LAMA5: variants seen among roughly 807,000 people sequenced by gnomAD.
LAMA5 encodes the protein laminin subunit alpha-5.
LAMA5 carries 260 observed loss-of-function variants against 433.4 expected under a neutral mutation model. The ratio of observed to expected loss-of-function variants is 0.60; its 90% CI spans 0.54 to 0.66. The LOEUF (loss-of-function observed/expected upper bound fraction) is 0.66. Ranked by LOEUF, LAMA5 falls within the 30% of genes least tolerant of loss-of-function variation. LAMA5 has a pLI of 0.00. For synonymous variants in LAMA5, 2,620 were observed against 2,226.6 expected (o/e 1.18, Z -4.97); for missense variants, 5,378 against 5,258.5 (o/e 1.02, Z -0.70).
intron 6 of LAMA5, 30 bp from the exon 7 acceptor site, chr20:62,347,058 C>A (rs1212657916): frequency 9.5e-6 from 15 of 1,573,756 alleles, no homozygotes; most frequent in African/African-American, 1.3e-5. Flanking sequence ...GGGGATCAGG[C>A]CCATCCTGGA....
intron 73 of LAMA5, 29 bp from the exon 74 acceptor site, chr20:62,311,123 C>A (rs375464190): frequency 1.5e-5 from 23 of 1,562,650 alleles, no homozygotes; most frequent in Middle Eastern, 1.7e-4. Flanking sequence ...TCAGCCTGCG[C>A]GGCCCCTCTC....
At position 62,333,346 on chromosome 20, in the gene LAMA5, C is replaced by T. The variant is rs779659937; in HGVS notation, c.3128+29G>A. On this transcript the variant is annotated intron_variant, in intron 25 of 79. Transcript: ENST00000252999. Reference sequence around the variant, plus strand: ...CAGTGGGGGTCCAGGAAGCCCCCACCCCGGTCCCACCGCACGCATGGCCCT... The same window carrying T: ...CAGTGGGGGTCCAGGAAGCCCCCACTCCGGTCCCACCGCACGCATGGCCCT... 3.7e-6 allele frequency: 6 copies of T among 1,609,130 alleles called. No individual in the cohort carries two copies. In the African/African-American group the frequency reaches 4.0e-5, roughly 11 times the overall value.
intron 18 of LAMA5, 109 bp from the exon 19 acceptor site, chr20:62,335,378 G>C (rs1366291845): frequency 2.8e-6 from 3 of 1,073,072 alleles, no homozygotes; most frequent in Non-Finnish European, 4.1e-6. Context: ...ACACTCACAG[G>C]CTCCAGCACC....
intron 62 of LAMA5, 136 bp from the exon 63 acceptor site, chr20:62,313,938 C>T (rs1272675246): frequency 5.3e-6 from 4 of 761,094 alleles, no homozygotes; most frequent in Admixed American, 3.7e-5. Flanking sequence ...CGAGGGGTGG[C>T]GAGTGGGCAT....
chr20:62,312,719 G>A lies in LAMA5; in HGVS notation c.9140C>T (p.Thr3047Met), dbSNP rs766834119. Residue 3047 changes from threonine to methionine, a missense_variant, in exon 67 of 80, where the codon ACG (threonine) becomes ATG (methionine). By Grantham distance (81) the Thr-to-Met change is moderately conservative (BLOSUM62 -1). Coordinates refer to ENST00000252999, the MANE Select transcript of LAMA5 (RefSeq NM_005560.6). ...ATTGTCCTGCTCCACGCTGTACACC[G>A]TGGCCCGCTCCACACGCACCAGCAC... is the stretch of plus-strand genomic sequence containing the variant. ...KRVLVRVERA[T>M]VYSVEQDNDL... is the part of the protein sequence containing the mutation. The A allele has an allele frequency of 6.3e-6, 10 of 1,599,372 alleles. No homozygotes were observed. Among genetic ancestry groups the A allele is most frequent in the Middle Eastern group, 1.7e-4 (1 of 6,056 alleles).
In LAMA5 at chr20:62,353,221, A is replaced by G; in HGVS notation, c.481T>C (p.Phe161Leu). The change falls in exon 3 of 80, where the codon TTT becomes CTT. Residue 161 changes from phenylalanine (F) to leucine (L), a missense_variant. Phe to Leu is a conservative substitution (Grantham distance 22). Coordinates refer to ENST00000252999, the MANE Select transcript of LAMA5 (RefSeq NM_005560.6). Reference sequence around the variant, plus strand: ...AGGTCCGGCCGGGGTGAGTTGGCAAACTTGATGAGGACGTAGGCCACGTGG... The same window carrying G: ...AGGTCCGGCCGGGGTGAGTTGGCAAGCTTGATGAGGACGTAGGCCACGTGG... ...VFHVAYVLIK[F>L]ANSPRPDLWV... The G allele has an allele frequency of 6.3e-7, 1 of 1,595,032 alleles. No individual in the cohort carries two copies. The highest frequency in any genetic ancestry group is 8.5e-7 in the Non-Finnish European group (1 of 1,171,554).
At chr20:62,338,421 G>A (rs749874812) in intron 12 of LAMA5, 47 bp downstream of exon 12, 1 of 1,607,928 alleles carries the variant, frequency 6.2e-7, no homozygotes. Context: ...GGCCTCAGGT[G>A]TCCACCTCGA....
chr20:62,340,639 T>C (rs1982452646), intron 11 of LAMA5, among the ~76,000 whole-genome samples: 1 of 152,036 alleles, frequency 6.6e-6, no homozygotes, highest in Non-Finnish European at 1.5e-5. Flanking sequence ...GCCAAATCGG[T>C]ACTCCATAGA....
At chr20:62,344,599 C>A (rs1983074258) in intron 11 of LAMA5, among the ~76,000 whole-genome samples, 1 of 152,084 alleles carries the variant, frequency 6.6e-6, no homozygotes, top group Admixed American at 6.6e-5. Flanking sequence ...CAGGCACGCA[C>A]CACCACGCCT....
Position 62,328,229 on chromosome 20 carries a change from C to T in LAMA5, c.4652+12G>A. Reference sequence around the variant, plus strand: ...CACCAGGGGCCGCGCTGACGCCGCTCTGGGCTCTCACTTGCACTGGCCGCT... The same window carrying T: ...CACCAGGGGCCGCGCTGACGCCGCTTTGGGCTCTCACTTGCACTGGCCGCT... On this transcript the variant is annotated intron_variant, in intron 35 of 79. Coordinates refer to ENST00000252999, the MANE Select transcript of LAMA5 (RefSeq NM_005560.6). The T allele has an allele frequency of 1.9e-6, 3 of 1,593,624 alleles. No homozygotes were observed. The highest frequency in any genetic ancestry group is 8.5e-7 in the Non-Finnish European group (1 of 1,169,744).
chr20:62,314,526 G>A (rs371266012), intron 61 of LAMA5, 29 bp downstream of exon 61: 112 of 1,605,478 alleles, frequency 7.0e-5, no homozygotes, highest in Middle Eastern at 1.7e-4. Context: ...GCCTGAGCTC[G>A]GGCCGCATCC....
intron 16 of LAMA5, 34 bp downstream of exon 16, chr20:62,337,556 G>A (rs781481364): frequency 4.9e-5 from 77 of 1,570,868 alleles, no homozygotes; most frequent in African/African-American, 4.3e-4. Context: ...ACACAGGCCC[G>A]GCACCTGGTG....
rs749613786 is a variant in LAMA5 at position 62,314,817 on chromosome 20, G to A, written c.8178C>T (p.Ala2726=). 2 of 1,612,690 alleles carry A rather than the reference G, an allele frequency of 1.2e-6. No individual in the cohort carries two copies. Among genetic ancestry groups the A allele is most frequent in the African/African-American group, 1.3e-5 (1 of 74,902 alleles). ...CACCCACCTTACTGGCAGCCCCCCG[G>A]GCCTGGGCAATGAGCTCTCGCACGC... ...IGRVRELIAQ[A]RGAASKVKVP... Residue 2726 remains alanine, a synonymous_variant, in exon 60 of 80, where the codon GCC becomes GCT. Coordinates refer to ENST00000252999, the MANE Select transcript of LAMA5 (RefSeq NM_005560.6).
chr20:62,340,305 G>GTTTTTT (rs34415039), intron 11 of LAMA5, among the ~76,000 whole-genome samples: 9 of 99,464 alleles, frequency 9.0e-5, no homozygotes, highest in Non-Finnish European at 1.1e-4. Context: ...AGCCTCCTTT[G>GTTTTTT]TTTTTTTTTT....
chr20:62,319,202 C>A, intron 51 of LAMA5, 189 bp from the exon 52 acceptor site: 1 of 599,156 alleles, frequency 1.7e-6, no homozygotes, highest in South Asian at 2.0e-5. Flanking sequence ...CGGCCCTCAC[C>A]TCCTGCAGTG....
At chr20:62,315,880 G>A in intron 58 of LAMA5, 68 bp downstream of exon 58, 1 of 1,211,890 alleles carries the variant, frequency 8.3e-7, no homozygotes, top group Admixed American at 2.0e-5. Context: ...AACCACATGT[G>A]GCCAGCGCCA....
Position 62,367,060 on chromosome 20 carries a change from C to T in LAMA5, c.186G>A (p.Ala62=). ...LAEGARIAAS[A]TCGEEAPARG... ...GCGCCGGGGCCTCCTCTCCGCAGGTCGCGGAGGCGGCGATGCGGGCGCCCT... is the reference window on the plus strand; with the variant it reads ...GCGCCGGGGCCTCCTCTCCGCAGGTTGCGGAGGCGGCGATGCGGGCGCCCT... The change falls in exon 1 of 80, where the codon GCG becomes GCA. Residue 62 remains alanine, a synonymous_variant. Transcript: ENST00000252999. 7.9e-7 allele frequency: 1 copy of T among 1,264,444 alleles called. No individual in the cohort carries two copies. Among genetic ancestry groups the T allele is most frequent in the Non-Finnish European group, 9.9e-7 (1 of 1,007,620 alleles). The allele number at this position is 1,264,444 out of a possible 1,614,324, so 78.3% of individuals were successfully genotyped here. A position where few individuals can be genotyped will look rare whatever the true frequency, so the allele number is the denominator to read the frequency against.
At position 62,320,661 on chromosome 20, in the gene LAMA5, G is replaced by C. The variant is rs985856768; in HGVS notation, c.6657C>G (p.Leu2219=). The C allele has an allele frequency of 1.2e-6, 2 of 1,609,258 alleles. No individual in the cohort carries two copies. Among genetic ancestry groups the C allele is most frequent in the South Asian group, 2.2e-5 (2 of 90,790 alleles). Residue 2219 remains leucine (L), a synonymous_variant, in exon 50 of 80, where the codon CTC becomes CTG. Transcript: ENST00000252999. ...CATGGCGGGGGCCCAGGGGGCTCCG[G>C]AGCTGGCTCTGTGGGAGGCGAAAGG... ...NASIADLQSQ[L]RSPLGPRHET... is the part of the protein sequence containing the mutation.
chr20:62,323,553 G>T lies in LAMA5; in HGVS notation c.5967C>A (p.Gly1989=). The change falls in exon 45 of 80, where the codon GGC becomes GGA. Residue 1989 remains glycine, a synonymous_variant. Transcript: ENST00000252999. ...TGTGGCGCAGGCAGCCACGGCAGGC[G>T]CCCGTCAGGGGGTCGCAGTCGCTGA... ...LLFSDCDPLT[G]ACRGCLRHTT... 6.3e-7 allele frequency: 1 copy of T among 1,595,562 alleles called. No individual in the cohort carries two copies. Among genetic ancestry groups the T allele is most frequent in the Non-Finnish European group, 8.5e-7 (1 of 1,173,880 alleles).
Sources: allele counts gnomAD v4.1 joint callset (sites outside exome capture counted in the v4.1 genomes callset), GRCh38; gene constraint gnomAD v4.1.1; transcripts MANE v1.5; gene names NCBI Gene and HGNC (gene_info 2026-07-23, HGNC 2026-07-21).